Variants in KHDRBS3 observed in about 807,000 individuals in gnomAD.
KHDRBS3 encodes the protein KH RNA binding domain containing, signal transduction associated 3, also known as KH domain-containing, RNA-binding, signal transduction-associated protein 3.
A neutral mutation model predicts 45.6 loss-of-function variants in KHDRBS3; 23 were observed. That is an observed-to-expected ratio of 0.50 (90% confidence interval 0.36 to 0.72). The LOEUF (loss-of-function observed/expected upper bound fraction) is 0.72, where lower values mean the gene tolerates loss of function less well. KHDRBS3 is among the 30% of genes least tolerant of loss of function. The pLI, the probability that KHDRBS3 is intolerant of heterozygous loss-of-function variation, is 0.00. For missense variants in KHDRBS3, 352 were observed against 424.8 expected (o/e 0.83, Z 1.51); for synonymous variants, 162 against 156.5 (o/e 1.04, Z -0.26).
At chr8:135,602,935 T>C (rs1358784991) in intron 6 of KHDRBS3, among the ~76,000 whole-genome samples, 2 of 152,248 alleles carry the variant, frequency 1.3e-5, no homozygotes, top group Non-Finnish European at 2.9e-5. Flanking sequence ...ATTTGATTCC[T>C]TGAATGAGCT....
In KHDRBS3 at chr8:135,625,368, C is replaced by T. The variant is rs114742439; in HGVS notation, c.890+18331C>T. 738 of 887,286 alleles carry T rather than the reference C, an allele frequency of 8.3e-4. 2 individuals are homozygous for T. The African/African-American group carries it at 9.9e-3, about 12-fold the overall frequency. The allele number at this position is 887,286 out of a possible 1,614,324, so 55.0% of individuals were successfully genotyped here. ...TCCCTCTCTTTCTCCAAGTCTTCAACGGTAAGTTTCAATACATTGAGTGCT... is the reference window on the plus strand; with the variant it reads ...TCCCTCTCTTTCTCCAAGTCTTCAATGGTAAGTTTCAATACATTGAGTGCT... On this transcript the variant is annotated intron_variant, in intron 7 of 8. Coordinates refer to ENST00000355849, the MANE Select transcript of KHDRBS3 (RefSeq NM_006558.3).
At chr8:135,505,879 T>C (rs1037184572) in intron 1 of KHDRBS3, among the ~76,000 whole-genome samples, 5 of 151,928 alleles carry the variant, frequency 3.3e-5, no homozygotes, top group African/African-American at 1.2e-4. Flanking sequence ...ACCATCACTC[T>C]GATCTGCTGC....
intron 2 of KHDRBS3, among the ~76,000 whole-genome samples, chr8:135,535,593 C>G (rs1007721964): frequency 2.0e-5 from 3 of 151,650 alleles, no homozygotes; most frequent in Admixed American, 1.3e-4. Context: ...TGTGTTGGGT[C>G]AAGAAGTTTA....
intron 7 of KHDRBS3, among the ~76,000 whole-genome samples, chr8:135,632,230 G>A (rs908470331): frequency 6.6e-6 from 1 of 152,144 alleles, no homozygotes; most frequent in African/African-American, 2.4e-5. Context: ...GACCTCCTCT[G>A]AGCACCTTTG....
intron 2 of KHDRBS3, among the ~76,000 whole-genome samples, chr8:135,534,367 G>C (rs948116177): frequency 6.6e-6 from 1 of 151,928 alleles, no homozygotes; most frequent in Non-Finnish European, 1.5e-5. Flanking sequence ...AACATCTTGG[G>C]TAGTGATTAA....
intron 1 of KHDRBS3, chr8:135,458,412 G>C (rs115719802): frequency 4.9e-5 from 11 of 225,356 alleles, no homozygotes; most frequent in African/African-American, 9.3e-5. Context: ...GAGGTGAAGG[G>C]AACAGGTGCT....
At chr8:135,547,235 A>G (rs1280457138) in intron 3 of KHDRBS3, among the ~76,000 whole-genome samples, 1 of 152,142 alleles carries the variant, frequency 6.6e-6, no homozygotes, top group Non-Finnish European at 1.5e-5. Flanking sequence ...ATATTTACAT[A>G]TATTCCCTTA....
intron 1 of KHDRBS3, among the ~76,000 whole-genome samples, chr8:135,497,975 C>G (rs767406155): frequency 3.3e-5 from 5 of 152,120 alleles, no homozygotes; most frequent in African/African-American, 7.2e-5. Flanking sequence ...TCCTTTTGCA[C>G]TTAATTACCA....
intron 7 of KHDRBS3, among the ~76,000 whole-genome samples, chr8:135,615,458 CAG>C (rs901862530): frequency 5.3e-5 from 8 of 152,116 alleles, no homozygotes; most frequent in Admixed American, 5.2e-4. Flanking sequence ...AACTGAGACT[CAG>C]AGTTTAAGTA....
intron 1 of KHDRBS3, among the ~76,000 whole-genome samples, chr8:135,485,713 G>A (rs1337476119): frequency 4.0e-5 from 6 of 151,762 alleles, no homozygotes; most frequent in Middle Eastern, 6.9e-3. Flanking sequence ...ATAAAGATAA[G>A]GGTGATGACG....
intron 5 of KHDRBS3, among the ~76,000 whole-genome samples, chr8:135,580,762 A>G (rs935668748): frequency 8.6e-5 from 13 of 151,976 alleles, no homozygotes; most frequent in African/African-American, 3.1e-4. Context: ...ATAGGCACAC[A>G]CCACCGTGCC....
intron 2 of KHDRBS3, chr8:135,540,290 A>C (rs1825980768): frequency 6.6e-6 from 1 of 152,242 alleles, no homozygotes; most frequent in Admixed American, 6.5e-5. Context: ...GCTGGCAGGC[A>C]GGGAAGAATT....
intron 3 of KHDRBS3, among the ~76,000 whole-genome samples, chr8:135,544,344 C>T (rs1209995774): frequency 1.3e-5 from 2 of 152,152 alleles, no homozygotes; most frequent in African/African-American, 4.8e-5. Flanking sequence ...GAAGGCAAAG[C>T]TTTATCTGGA....
chr8:135,641,111 C>A (rs1323423907), intron 7 of KHDRBS3, among the ~76,000 whole-genome samples: 1 of 152,160 alleles, frequency 6.6e-6, no homozygotes, highest in East Asian at 1.9e-4. Flanking sequence ...ATCACCAAAC[C>A]ATTGCTGGAC....
intron 1 of KHDRBS3, among the ~76,000 whole-genome samples, chr8:135,480,741 A>G (rs1822521446): frequency 1.3e-5 from 2 of 152,358 alleles, no homozygotes; most frequent in South Asian, 2.1e-4. Flanking sequence ...TTCATTCTCC[A>G]TATGAAATTT....
chr8:135,485,869 T>TATATATATATA (rs56114244), intron 1 of KHDRBS3, among the ~76,000 whole-genome samples: 12 of 143,202 alleles, frequency 8.4e-5, no homozygotes, highest in African/African-American at 1.6e-4. Context: ...TATATATATA[T>TATATATATATA]TTTATTTTTC....
intron 7 of KHDRBS3, among the ~76,000 whole-genome samples, chr8:135,642,373 T>C (rs771427934): frequency 3.3e-5 from 5 of 152,222 alleles, no homozygotes; most frequent in Non-Finnish European, 5.9e-5. Flanking sequence ...AGAGTTTTTT[T>C]AGATTAGGTG....
intron 1 of KHDRBS3, among the ~76,000 whole-genome samples, chr8:135,474,480 C>T (rs1463986812): frequency 1.3e-5 from 2 of 152,172 alleles, no homozygotes; most frequent in African/African-American, 4.8e-5. Context: ...TACTTCTGTG[C>T]TATGCGTTAT....
At chr8:135,641,004 G>T (rs1051689944) in intron 7 of KHDRBS3, among the ~76,000 whole-genome samples, 2 of 152,104 alleles carry the variant, frequency 1.3e-5, no homozygotes, top group Non-Finnish European at 2.9e-5. Flanking sequence ...CCAGCTCCTC[G>T]GCTTGATGAC....
Sources: allele counts gnomAD v4.1 joint callset (sites outside exome capture counted in the v4.1 genomes callset), GRCh38; gene constraint gnomAD v4.1.1; transcripts MANE v1.5; gene names NCBI Gene and HGNC (gene_info 2026-07-23, HGNC 2026-07-21).